The following SERPINH1 variants were observed in gnomAD, a reference collection of about 807,000 sequenced individuals.
The protein encoded by SERPINH1 is serpin family H member 1, also known as serpin H1.
In SERPINH1, 22 loss-of-function variants were observed where a neutral mutation model predicts 32.3. The observed-to-expected ratio is 0.68, with a 90% CI of 0.49 to 0.97. The LOEUF (loss-of-function observed/expected upper bound fraction) is 0.97. Among genes scored for constraint, SERPINH1 ranks in the 50% least tolerant of loss-of-function variants. SERPINH1 has a pLI of 0.00. For synonymous variants in SERPINH1, 251 were observed against 245.9 expected (o/e 1.02, Z -0.19); for missense variants, 543 against 576.4 (o/e 0.94, Z 0.59).
rs1232634716 is a variant in SERPINH1, at chr11:75,566,937, C to T, written c.588C>T (p.Asp196=). 10 of 1,603,672 alleles carry T rather than the reference C, an allele frequency of 6.2e-6. No individual in the cohort carries two copies. Among genetic ancestry groups the T allele is most frequent in the Non-Finnish European group, 7.6e-6 (9 of 1,179,334 alleles). Residue 196 remains aspartate, a synonymous_variant, in exon 2 of 5, where the codon GAC becomes GAT. Transcript: ENST00000358171. The part of the protein sequence containing the change: ...PEVTKDVERT[D]GALLVNAMFF... The stretch of plus-strand genomic sequence containing the variant: ...TCACCAAGGACGTGGAGCGCACGGA[C>T]GGCGCCCTGCTAGTCAACGCCATGT...
intron 1 of SERPINH1, among the ~76,000 whole-genome samples, chr11:75,565,582 T>C (rs1231520407): frequency 1.3e-5 from 2 of 149,934 alleles, no homozygotes; most frequent in African/African-American, 4.9e-5. Flanking sequence ...CCTTTCAGCT[T>C]GGAAAAGGGA....
chr11:75,571,943 C>T lies in SERPINH1; in HGVS notation c.1117C>T (p.Arg373Cys), dbSNP rs764873155. The T allele has an allele frequency of 1.5e-5, 25 of 1,614,094 alleles. No individual in the cohort carries two copies. The highest frequency in any genetic ancestry group is 3.3e-4 in the Middle Eastern group (2 of 6,084). ...CCCCTTTGACCAGGACATCTACGGG[C>T]GCGAGGAGCTGCGCAGCCCCAAGCT... ...GNPFDQDIYG[R>C]EELRSPKLFY... is the part of the protein sequence containing the mutation. The change falls in exon 5 of 5, where the codon CGC becomes TGC. Residue 373 changes from arginine to cysteine, a missense_variant. Physicochemically the swap from Arg to Cys is radical, Grantham distance 180. Around this residue, in one of 3 missense-constraint regions of SERPINH1, gnomAD observed 427 missense variants for 446.4 expected, o/e 0.96. Transcript: ENST00000358171.
chr11:75,565,768 C>T (rs568594567), intron 1 of SERPINH1, among the ~76,000 whole-genome samples: 2 of 152,354 alleles, frequency 1.3e-5, no homozygotes, highest in African/African-American at 4.8e-5. Flanking sequence ...CTCTGTCCCT[C>T]ATCCCTTGCC....
intron 1 of SERPINH1, among the ~76,000 whole-genome samples, chr11:75,564,563 C>A (rs1942039761): frequency 1.3e-5 from 2 of 152,168 alleles, no homozygotes; most frequent in African/African-American, 4.8e-5. Flanking sequence ...TATAAGTGTC[C>A]TTGTTTGTGC....
intron 2 of SERPINH1, chr11:75,567,903 T>C (rs1942118602): frequency 6.6e-6 from 1 of 152,368 alleles, no homozygotes; most frequent in Middle Eastern, 3.2e-3. Flanking sequence ...TGAGCTTGGA[T>C]TGGAACACAG....
chr11:75,571,577 C>A (rs563543857), intron 4 of SERPINH1, among the ~76,000 whole-genome samples: 2 of 152,192 alleles, frequency 1.3e-5, no homozygotes, highest in Non-Finnish European at 2.9e-5. Context: ...TGTGAAGTGG[C>A]AATTAGAAGC....
In SERPINH1 at chr11:75,572,484, A is replaced by T; in HGVS notation, c.*401A>T. On this transcript the variant is annotated 3_prime_UTR_variant, in exon 5 of 5. Coordinates refer to ENST00000358171, the MANE Select transcript of SERPINH1 (RefSeq NM_001235.5). ...ACTAAAACACCTCAGCTGCCTCCCC[A>T]GCTCTATCCCAACCTCTCCCAACTA... 1 of 319,574 alleles carries T rather than the reference A, an allele frequency of 3.1e-6. No individual in the cohort carries two copies. The highest frequency in any genetic ancestry group is 2.9e-5 in the South Asian group (1 of 34,232). The allele number at this position is 319,574 out of a possible 1,614,324, so 19.8% of individuals were successfully genotyped here. A position where few individuals can be genotyped will look rare whatever the true frequency, so the allele number is the denominator to read the frequency against.
chr11:75,570,448 C>G (rs954157742), intron 4 of SERPINH1, among the ~76,000 whole-genome samples: 4 of 152,186 alleles, frequency 2.6e-5, no homozygotes, highest in Non-Finnish European at 1.5e-5. Context: ...TGTCCCACCC[C>G]CTTCTCCCCT....
In SERPINH1 at chr11:75,566,470, G is replaced by T; in HGVS notation, c.121G>T (p.Ala41Ser). The part of the protein sequence containing the change: ...GTAEKLSPKA[A>S]TLAERSAGLA... ...TGCGGAGAAGTTGAGCCCCAAGGCG[G>T]CCACGCTTGCCGAGCGCAGCGCCGG... The change falls in exon 2 of 5, where the codon GCC becomes TCC. Residue 41 changes from alanine to serine, a missense_variant. Physicochemically the swap from Ala to Ser is moderately conservative, Grantham distance 99 (BLOSUM62 1). Around this residue, in one of 3 missense-constraint regions of SERPINH1, gnomAD observed 109 missense variants for 102.4 expected, o/e 1.06. Transcript: ENST00000358171. 6.2e-7 allele frequency: 1 copy of T among 1,612,270 alleles called. No individual in the cohort carries two copies.
Position 75,566,646 on chromosome 11 carries a change from C to T in SERPINH1, c.297C>T (p.Ala99=), listed in dbSNP as rs758825132. The change falls in exon 2 of 5, where the codon GCC becomes GCT. Residue 99 remains alanine, a synonymous_variant. Transcript: ENST00000358171. ...TASQAKAVLS[A]EQLRDEEVHA... is the part of the protein sequence containing the mutation. ...CGCAGGCCAAGGCAGTGCTGAGCGC[C>T]GAGCAGCTGCGCGACGAGGAGGTGC... 6 of 1,607,388 alleles carry T rather than the reference C, an allele frequency of 3.7e-6. No homozygotes were observed. The East Asian group carries it at 8.9e-5, about 24-fold the overall frequency.
At chr11:75,568,666 G>A (rs569879610) in intron 2 of SERPINH1, 65 bp from the exon 3 acceptor site, 1 of 1,074,034 alleles carries the variant, frequency 9.3e-7, no homozygotes, top group Non-Finnish European at 1.4e-6. Context: ...GGGGGTGGCT[G>A]TGGGCTGTGA....
intron 1 of SERPINH1, among the ~76,000 whole-genome samples, chr11:75,565,062 T>C (rs1047101773): frequency 6.6e-6 from 1 of 152,192 alleles, no homozygotes; most frequent in Non-Finnish European, 1.5e-5. Context: ...TGCTGTTGCA[T>C]GATGTAGAGG....
chr11:75,571,643 TG>T, intron 4 of SERPINH1, 137 bp from the exon 5 acceptor site: 3 of 749,042 alleles, frequency 4.0e-6, no homozygotes, highest in Non-Finnish European at 6.9e-6. Flanking sequence ...GCCAGTGCCA[TG>T]CCTGGCATAC....
rs1378140166 is a variant in SERPINH1, at chr11:75,562,291, C to G, written c.-63C>G. On this transcript the variant is annotated 5_prime_UTR_variant, in exon 1 of 5. Transcript: ENST00000358171. ...TGTCGCGGCTCGAGAGCGAGAGTCA[C>G]GTCCCGGCGCTAGCCCAGCCCGACC... The G allele has an allele frequency of 6.6e-6, 1 of 152,088 alleles. No individual in the cohort carries two copies. Among genetic ancestry groups the G allele is most frequent in the Non-Finnish European group, 1.5e-5 (1 of 68,124 alleles). The allele number at this position is 152,088 out of a possible 1,614,324, so 9.4% of individuals were successfully genotyped here.
chr11:75,566,395 G>T lies in SERPINH1; in HGVS notation c.46G>T (p.Ala16Ser), dbSNP rs2135551039. ...CAGCGCCTTCTGCCTCCTGGAGGCG[G>T]CCCTGGCCGCCGAGGTGAAGAAACC... ...LLSAFCLLEA[A>S]LAAEVKKPAA... Residue 16 changes from alanine to serine, a missense_variant, in exon 2 of 5, where the codon GCC (alanine) becomes TCC (serine). Transcript: ENST00000358171. 1.9e-6 allele frequency: 3 copies of T among 1,610,232 alleles called. No individual in the cohort carries two copies. The highest frequency in any genetic ancestry group is 1.1e-5 in the South Asian group (1 of 90,562).
rs1942140831 is a variant in SERPINH1, at chr11:75,568,787, A to T, written c.679A>T (p.Thr227Ser). The change falls in exon 3 of 5, where the codon ACT becomes TCT. Residue 227 changes from threonine (T) to serine (S), a missense_variant. Physicochemically the swap from Thr to Ser is moderately conservative, Grantham distance 58. Transcript: ENST00000358171. The part of the protein sequence containing the change: ...KMVDNRGFMV[T>S]RSYTVGVMMM... ...GGTGGACAACCGTGGCTTCATGGTG[A>T]CTCGGTCCTATACCGTGGGTGTCAT... 6.2e-7 allele frequency: 1 copy of T among 1,613,872 alleles called. No homozygotes were observed. Among genetic ancestry groups the T allele is most frequent in the African/African-American group, 1.3e-5 (1 of 74,968 alleles).
rs761143786 is a variant in SERPINH1 at position 75,572,060 on chromosome 11, G to A, written c.1234G>A (p.Asp412Asn). 2 of 1,614,162 alleles carry A rather than the reference G, an allele frequency of 1.2e-6. No individual in the cohort carries two copies. Among genetic ancestry groups the A allele is most frequent in the South Asian group, 2.2e-5 (2 of 91,078 alleles). The change falls in exon 5 of 5, where the codon GAC (aspartate) becomes AAC (asparagine). Residue 412 changes from aspartate (D) to asparagine (N), a missense_variant. Transcript: ENST00000358171. ...TGGGCGCCTGGTCCGGCCTAAGGGT[G>A]ACAAGATGCGAGACGAGTTATAGGG... Reference protein sequence around the residue: ...FIGRLVRPKGDKMRDEL With the variant: ...FIGRLVRPKGNKMRDEL
rs1592200204 is a variant in SERPINH1, at chr11:75,566,484, G to A, written c.135G>A (p.Glu45=). The A allele has an allele frequency of 6.2e-7, 1 of 1,612,414 alleles. No individual in the cohort carries two copies. The highest frequency in any genetic ancestry group is 2.2e-5 in the East Asian group (1 of 44,882). The change falls in exon 2 of 5, where the codon GAG becomes GAA. Residue 45 remains glutamate, a synonymous_variant. Coordinates refer to ENST00000358171, the MANE Select transcript of SERPINH1 (RefSeq NM_001235.5). ...KLSPKAATLA[E]RSAGLAFSLY... is the part of the protein sequence containing the mutation. ...GCCCCAAGGCGGCCACGCTTGCCGAGCGCAGCGCCGGCCTGGCCTTCAGCT... is the reference window on the plus strand; with the variant it reads ...GCCCCAAGGCGGCCACGCTTGCCGAACGCAGCGCCGGCCTGGCCTTCAGCT...
chr11:75,569,159 C>A lies in SERPINH1; in HGVS notation c.942C>A (p.Thr314=). The A allele has an allele frequency of 1.2e-6, 2 of 1,608,758 alleles. No individual in the cohort carries two copies. The highest frequency in any genetic ancestry group is 1.7e-6 in the Non-Finnish European group (2 of 1,177,298). The change falls in exon 4 of 5, where the codon ACC becomes ACA. Residue 314 remains threonine (T), a synonymous_variant. Transcript: ENST00000358171. ...TGCCCAAGGGTGTGGTGGAGGTGACCCATGACCTGCAGGTAAGGGGTGGCC... is the reference window on the plus strand; with the variant it reads ...TGCCCAAGGGTGTGGTGGAGGTGACACATGACCTGCAGGTAAGGGGTGGCC... ...ISLPKGVVEV[T]HDLQKHLAGL... is the part of the protein sequence containing the mutation.
Sources: gnomAD v4.1 joint callset for allele counts (sites outside exome capture counted in the v4.1 genomes callset) on GRCh38, gnomAD v4.1.1 for gene constraint, gnomAD v4.1.1 regional missense constraint, MANE v1.5 for transcripts, NCBI Gene and HGNC (gene_info 2026-07-23, HGNC 2026-07-21) for gene names.